Variants in ROBO2 observed in about 807,000 individuals in gnomAD.
The protein encoded by ROBO2 is roundabout homolog 2.
A neutral mutation model predicts 160.8 loss-of-function variants in ROBO2; 53 were observed. The observed-to-expected ratio is 0.33, with a 90% confidence interval of 0.26 to 0.41. ROBO2 has a LOEUF of 0.41. Among genes scored for constraint, ROBO2 ranks in the 10% least tolerant of loss-of-function variants. ROBO2 has a pLI of 1.00. For synonymous variants in ROBO2, 664 were observed against 611.7 expected, an observed-to-expected ratio of 1.09 and a Z score of -1.26; for missense variants, 1,577 against 1,722.4, an observed-to-expected ratio of 0.92 and a Z score of 1.49.
At chr3:76,087,091 A>C (rs917360453) in intron 2 of ROBO2, among the ~76,000 whole-genome samples, 1 of 152,036 alleles carries the variant, frequency 6.6e-6, no homozygotes, top group Admixed American at 6.6e-5. Context: ...GAAAGAAAGA[A>C]GCAGGATTTG....
At position 76,529,184 on chromosome 3, in the gene ROBO2, A is replaced by G. The variant is rs187114378; in HGVS notation, c.110-568830A>G. ...ACTATTAGTTTTAGATAAGATGGTC[A>G]GGAAAGGATTCATAAAAGCTTTTAC... is the stretch of plus-strand genomic sequence containing the variant. On this transcript the variant is annotated intron_variant, in intron 2 of 26. Coordinates refer to the ROBO2 transcript ENST00000487694. Among the ~76,000 whole-genome samples the G allele has an allele frequency of 1.2e-4, 19 of 152,350 alleles. No homozygotes were observed. The East Asian group carries it at 3.1e-3, about 25-fold the overall frequency.
chr3:76,928,853 T>G (rs1174425925), intron 2 of ROBO2, among the ~76,000 whole-genome samples: 1 of 152,216 alleles, frequency 6.6e-6, no homozygotes, highest in Non-Finnish European at 1.5e-5. Context: ...GTTTTAAATA[T>G]ATTTTATATC....
intron 2 of ROBO2, among the ~76,000 whole-genome samples, chr3:75,991,350 G>T (rs2065563197): frequency 6.6e-6 from 1 of 152,108 alleles, no homozygotes; most frequent in Non-Finnish European, 1.5e-5. Flanking sequence ...AATCCAGTGA[G>T]AGGTAATTGA....
At chr3:76,957,925 G>C (rs2079394415) in intron 2 of ROBO2, among the ~76,000 whole-genome samples, 1 of 152,120 alleles carries the variant, frequency 6.6e-6, no homozygotes, top group African/African-American at 2.4e-5. Context: ...ATGGAAGGGG[G>C]ACTATTTGCG....
At chr3:76,109,729 G>A (rs78224551) in intron 2 of ROBO2, among the ~76,000 whole-genome samples, 8,497 of 151,752 alleles carry the variant, frequency 0.056, 390 homozygotes, top group African/African-American at 0.13. Context: ...GCTATATTGC[G>A]AAGTGGTGAA....
At chr3:77,054,954 G>GTT (rs1469532409) in intron 1 of ROBO2, among the ~76,000 whole-genome samples, 4 of 151,392 alleles carry the variant, frequency 2.6e-5, no homozygotes, top group Non-Finnish European at 5.9e-5. Flanking sequence ...GTGTGTGTGT[G>GTT]TAAAACTTGG....
At chr3:77,443,981 T>C (rs1337723323) in intron 2 of ROBO2, among the ~76,000 whole-genome samples, 1 of 152,198 alleles carries the variant, frequency 6.6e-6, no homozygotes, top group Admixed American at 6.6e-5. Context: ...CTTCACACTT[T>C]ACAAATTAAG....
intron 2 of ROBO2, among the ~76,000 whole-genome samples, chr3:77,239,091 AT>A (rs1181427715): frequency 6.6e-6 from 1 of 152,164 alleles, no homozygotes; most frequent in African/African-American, 2.4e-5. Context: ...TGTGTCTGGA[AT>A]TGGTGGGTTC....
At chr3:76,881,572 A>T (rs1163318003) in intron 2 of ROBO2, among the ~76,000 whole-genome samples, 2 of 152,250 alleles carry the variant, frequency 1.3e-5, no homozygotes, top group South Asian at 4.1e-4. Context: ...TTAGAATAAT[A>T]TCAACATAAG....
chr3:76,325,081 C>T (rs895086206), intron 2 of ROBO2, among the ~76,000 whole-genome samples: 2 of 152,140 alleles, frequency 1.3e-5, no homozygotes, highest in Non-Finnish European at 2.9e-5. Context: ...CTCCAGCCTG[C>T]GTGACAGAGC....
At chr3:76,648,264 T>C (rs911446627) in intron 2 of ROBO2, among the ~76,000 whole-genome samples, 10 of 152,088 alleles carry the variant, frequency 6.6e-5, no homozygotes, top group Non-Finnish European at 1.5e-4. Flanking sequence ...TTTGATGCTG[T>C]GAAAAAGATA....
intron 2 of ROBO2, among the ~76,000 whole-genome samples, chr3:77,371,793 TC>T (rs1164238651): frequency 6.6e-6 from 1 of 152,228 alleles, no homozygotes; most frequent in African/African-American, 2.4e-5. Context: ...ATGATTTTTA[TC>T]CGGGACCAGG....
intron 6 of ROBO2, among the ~76,000 whole-genome samples, chr3:77,545,728 G>A (rs914896866): frequency 6.6e-6 from 1 of 152,048 alleles, no homozygotes; most frequent in South Asian, 2.1e-4. Context: ...AAATAAATTA[G>A]ATTGAGTCAA....
chr3:75,998,181 T>A (rs2065785868), intron 2 of ROBO2, among the ~76,000 whole-genome samples: 1 of 152,198 alleles, frequency 6.6e-6, no homozygotes, highest in Non-Finnish European at 1.5e-5. Context: ...GCTTGTGTGT[T>A]TATTTAGCTC....
chr3:77,024,813 G>A (rs9812289), intron 2 of ROBO2, among the ~76,000 whole-genome samples: 33,488 of 152,046 alleles, frequency 0.22, 5,630 homozygotes, highest in African/African-American at 0.47. Flanking sequence ...CCAAAAATCT[G>A]CATTGTTTTT....
At chr3:76,095,205 T>C (rs900283479) in intron 2 of ROBO2, among the ~76,000 whole-genome samples, 2 of 151,996 alleles carry the variant, frequency 1.3e-5, no homozygotes, top group African/African-American at 4.8e-5. Context: ...TGGAACTTTG[T>C]TGCTGATATC....
chr3:77,340,138 G>GC (rs2066912266), intron 2 of ROBO2, among the ~76,000 whole-genome samples: 1 of 151,972 alleles, frequency 6.6e-6, no homozygotes, highest in African/African-American at 2.4e-5. Context: ...TGCTCAATTC[G>GC]TATTAGCTAT....
At chr3:77,360,262 C>G (rs945005761) in intron 2 of ROBO2, among the ~76,000 whole-genome samples, 1 of 150,802 alleles carries the variant, frequency 6.6e-6, no homozygotes, top group African/African-American at 2.4e-5. Flanking sequence ...ACCCCCCCCC[C>G]AAATTTAGAA....
intron 2 of ROBO2, among the ~76,000 whole-genome samples, chr3:75,969,376 CG>C (rs1559792672): frequency 6.9e-6 from 1 of 145,350 alleles, no homozygotes; most frequent in African/African-American, 2.5e-5. Context: ...GCAATAAACA[CG>C]GGAATACAGA....
Sources: gnomAD v4.1 joint callset for allele counts (sites outside exome capture counted in the v4.1 genomes callset) on GRCh38, gnomAD v4.1.1 for gene constraint, MANE v1.5 for transcripts, NCBI Gene and HGNC (gene_info 2026-07-23, HGNC 2026-07-21) for gene names.